Variants in ZNF226 observed in about 807,000 individuals in gnomAD.
ZNF226 encodes the protein zinc finger protein 226.
In ZNF226, 6 loss-of-function variants were observed where a neutral mutation model predicts 11.4. The ratio of observed to expected loss-of-function variants is 0.53; its 90% confidence interval spans 0.29 to 1.04. ZNF226 has a LOEUF of 1.04. Ranked by LOEUF, ZNF226 falls within the 50% of genes least tolerant of loss-of-function variation. The probability of loss-of-function intolerance (pLI) is 0.08; values close to 1 mark genes in which losing one functional copy is unlikely to be tolerated. For synonymous variants in ZNF226, 350 were observed against 322.8 expected, an observed-to-expected ratio of 1.08 and a Z score of -0.90; for missense variants, 1,058 against 956.5, an observed-to-expected ratio of 1.11 and a Z score of -1.40.
chr19:44,197,819 T>C, the ZNF226 span, among the ~76,000 whole-genome samples: 1 of 152,234 alleles, frequency 6.6e-6, no homozygotes, highest in African/African-American at 2.4e-5. Flanking sequence ...TGGCCAGCAT[T>C]TTCACTTTCC....
downstream of ZNF226, chr19:44,178,303 A>G (rs1203534019): frequency 6.6e-6 from 1 of 152,348 alleles, no homozygotes; most frequent in East Asian, 1.9e-4. Context: ...TGTAACAGAT[A>G]ATTGTGTTCA....
downstream of ZNF226, among the ~76,000 whole-genome samples, chr19:44,179,591 C>CAT (rs1345551155): frequency 6.6e-6 from 1 of 152,070 alleles, no homozygotes; most frequent in Non-Finnish European, 1.5e-5. Context: ...CAAATCTATG[C>CAT]AATCAATACA....
chr19:44,192,894 T>C, the ZNF226 span, among the ~76,000 whole-genome samples: 6 of 152,202 alleles, frequency 3.9e-5, no homozygotes, highest in Non-Finnish European at 8.8e-5. Flanking sequence ...TTTGTATCAC[T>C]GTATTAATAC....
chr19:44,167,068 A>G (rs1000198165), intron 2 of ZNF226, among the ~76,000 whole-genome samples: 1 of 152,178 alleles, frequency 6.6e-6, no homozygotes, highest in Non-Finnish European at 1.5e-5. Context: ...TGCAAAAACC[A>G]TGACATGAGT....
chr19:44,179,033 A>G (rs927101126), downstream of ZNF226, among the ~76,000 whole-genome samples: 7 of 152,150 alleles, frequency 4.6e-5, no homozygotes, highest in Non-Finnish European at 1.0e-4. Flanking sequence ...TACAAAAGGT[A>G]GCTGGGCGTG....
At chr19:44,187,716 G>A in the ZNF226 span, among the ~76,000 whole-genome samples, 21,171 of 151,830 alleles carry the variant, frequency 0.14, 3,743 homozygotes, top group African/African-American at 0.4. The surrounding 1 kb of genome is among the most constrained non-coding windows in gnomAD (Gnocchi z 4.0). Flanking sequence ...TATAAGCTTA[G>A]GTTGTTGATT....
chr19:44,177,631 A>C lies in ZNF226; in HGVS notation c.2369A>C (p.Lys790Thr). The C allele has an allele frequency of 1.2e-6, 2 of 1,604,404 alleles. No individual in the cohort carries two copies. Among genetic ancestry groups the C allele is most frequent in the Non-Finnish European group, 1.7e-6 (2 of 1,175,772 alleles). The change falls in exon 6 of 6, where the codon AAG becomes ACG. Residue 790 changes from lysine to threonine, a missense_variant. Coordinates refer to ENST00000337433, the MANE Select transcript of ZNF226 (RefSeq NM_001032373.2). ...TCCTATAAAAGTAATAGGGGTGGTA[A>C]GAACATCAGAGAATCCACACAGGAA... ...DKSYKSNRGG[K>T]NIRESTQEKK...
At position 44,177,414 on chromosome 19, in the gene ZNF226, C is replaced by T. The variant is rs1040780147; in HGVS notation, c.2152C>T (p.Gln718Ter). 6.2e-7 allele frequency: 1 copy of T among 1,611,406 alleles called. No individual in the cohort carries two copies. The change falls in exon 6 of 6, where the codon CAG becomes TAG. Residue 718 changes from glutamine to a stop codon, truncating the protein, a stop_gained. Coordinates refer to ENST00000337433, the MANE Select transcript of ZNF226 (RefSeq NM_001032373.2). LOFTEE classifies it low-confidence loss of function (END_TRUNC). The part of the protein sequence containing the change: ...FSQASSLQLH[Q>*]SVHTGEKPYK... Reference sequence around the variant, plus strand: ...TCAGGCCTCAAGTCTTCAACTTCATCAGAGTGTCCACACAGGAGAGAAACC... The same window carrying T: ...TCAGGCCTCAAGTCTTCAACTTCATTAGAGTGTCCACACAGGAGAGAAACC...
chr19:44,172,195 T>C lies in ZNF226; in HGVS notation c.123T>C (p.Phe41=), dbSNP rs776283613. 1.9e-6 allele frequency: 3 copies of C among 1,612,168 alleles called. No homozygotes were observed. The highest frequency in any genetic ancestry group is 2.2e-5 in the East Asian group (1 of 44,778). ...ACCGAGATGTGATGGTGGAGAACTT[T>C]AGGAACCTGCTGTCAGTGGGTGAGG... The part of the protein sequence containing the change: ...KLYRDVMVEN[F]RNLLSVGHPP... The change falls in exon 4 of 6, where the codon TTT becomes TTC. Residue 41 remains phenylalanine, a synonymous_variant. Coordinates refer to ENST00000337433, the MANE Select transcript of ZNF226 (RefSeq NM_001032373.2).
At chr19:44,180,615 A>G (rs1370839561), downstream of ZNF226, among the ~76,000 whole-genome samples, 1 of 152,200 alleles carries the variant, frequency 6.6e-6, no homozygotes, top group Non-Finnish European at 1.5e-5. Flanking sequence ...GAATATAGCA[A>G]TGCCTGTGTT....
downstream of ZNF226, among the ~76,000 whole-genome samples, chr19:44,181,296 C>A (rs1004883313): frequency 6.6e-6 from 1 of 152,138 alleles, no homozygotes; most frequent in Admixed American, 6.5e-5. Flanking sequence ...ATGGAGGGAT[C>A]ACTTGAGCCC....
At chr19:44,180,384 A>C (rs193004491), downstream of ZNF226, among the ~76,000 whole-genome samples, 21 of 152,314 alleles carry the variant, frequency 1.4e-4, no homozygotes, top group African/African-American at 4.6e-4. Flanking sequence ...TTTGGATTAC[A>C]ATTCCTGTTG....
At chr19:44,169,066 T>TG (rs1969768786) in intron 2 of ZNF226, among the ~76,000 whole-genome samples, 1 of 132,558 alleles carries the variant, frequency 7.5e-6, no homozygotes, top group East Asian at 2.4e-4. Flanking sequence ...TGGAGTGCAG[T>TG]GGGGCAATCT....
the ZNF226 span, among the ~76,000 whole-genome samples, chr19:44,191,369 T>C: frequency 1.0e-3 from 158 of 152,350 alleles, no homozygotes; most frequent in African/African-American, 3.5e-3. Context: ...TCGTGGTTGA[T>C]AGCATTACAT....
chr19:44,194,131 T>C, the ZNF226 span, among the ~76,000 whole-genome samples: 1 of 152,244 alleles, frequency 6.6e-6, no homozygotes, highest in Non-Finnish European at 1.5e-5. Flanking sequence ...GTAGAAATTT[T>C]CTTGAGACTG....
chr19:44,172,487 T>G, intron 4 of ZNF226: 1 of 394,526 alleles, frequency 2.5e-6, no homozygotes, highest in Non-Finnish European at 4.5e-6. Context: ...TAAAACCAAC[T>G]TATTGAATGT....
the ZNF226 span, among the ~76,000 whole-genome samples, chr19:44,185,464 T>C: frequency 6.6e-6 from 1 of 152,254 alleles, no homozygotes; most frequent in Non-Finnish European, 1.5e-5. Flanking sequence ...AGGTGATATC[T>C]CATTACAGTT....
chr19:44,181,743 A>G (rs1029449229), downstream of ZNF226, among the ~76,000 whole-genome samples: 1 of 152,092 alleles, frequency 6.6e-6, no homozygotes, highest in Non-Finnish European at 1.5e-5. Flanking sequence ...TTCTTCCTCT[A>G]TTTGAAGTCA....
At chr19:44,166,662 G>A (rs1299334190) in intron 2 of ZNF226, 3 of 152,134 alleles carry the variant, frequency 2.0e-5, no homozygotes, top group African/African-American at 7.2e-5. Context: ...ATAGTTTAGT[G>A]CCTTTCTGTC....
Sources: allele counts gnomAD v4.1 joint callset (sites outside exome capture counted in the v4.1 genomes callset), GRCh38; gene constraint gnomAD v4.1.1; non-coding constraint Gnocchi (gnomAD v3.1); transcripts MANE v1.5; gene names NCBI Gene and HGNC (gene_info 2026-07-23, HGNC 2026-07-21).